The following CPA6 variants were observed in gnomAD, a reference collection of about 807,000 sequenced individuals.
CPA6 encodes the protein carboxypeptidase A6.
In CPA6, 58 loss-of-function variants were observed where a neutral mutation model predicts 63.3. That is an observed-to-expected ratio of 0.92 (90% CI 0.74 to 1.14). The LOEUF (loss-of-function observed/expected upper bound fraction) is 1.14, where lower values mean the gene tolerates loss of function less well. Among genes scored for constraint, CPA6 ranks in the 50% most tolerant of loss-of-function variants. CPA6 has a pLI of 0.00. For synonymous variants in CPA6, 185 were observed against 179.0 expected, an observed-to-expected ratio of 1.03 and a Z score of -0.27; for missense variants, 565 against 526.6, an observed-to-expected ratio of 1.07 and a Z score of -0.71.
intron 1 of CPA6, among the ~76,000 whole-genome samples, chr8:67,670,163 G>A (rs948483436): frequency 6.6e-6 from 1 of 152,156 alleles, no homozygotes; most frequent in African/African-American, 2.4e-5. Flanking sequence ...AGAAATACGT[G>A]AGACTGTGTA....
intron 1 of CPA6, among the ~76,000 whole-genome samples, chr8:67,695,537 C>T (rs1816898057): frequency 6.6e-6 from 1 of 152,200 alleles, no homozygotes; most frequent in South Asian, 2.1e-4. Flanking sequence ...TTACAGAATG[C>T]TTTATCCACT....
At chr8:67,481,376 A>T (rs1292412542) in intron 8 of CPA6, among the ~76,000 whole-genome samples, 1 of 152,212 alleles carries the variant, frequency 6.6e-6, no homozygotes, top group African/African-American at 2.4e-5. Flanking sequence ...TGACTTGTCG[A>T]GTCCTTCTGG....
chr8:67,509,580 T>C lies in CPA6; in HGVS notation c.471A>G (p.Ser157=), dbSNP rs1297215821. ...CAATAGAGAACATGTGAATGAGGCC[T>C]GAGTGAGTTTTATTCAGATGATGCA... ...NWMHHLNKTH[S]GLIHMFSIGR... is the part of the protein sequence containing the mutation. The change falls in exon 5 of 11, where the codon TCA becomes TCG. Residue 157 remains serine (S), a synonymous_variant. Transcript: ENST00000297770. The C allele has an allele frequency of 1.1e-5, 18 of 1,599,250 alleles. No individual in the cohort carries two copies. The highest frequency in any genetic ancestry group is 1.4e-5 in the Non-Finnish European group (16 of 1,170,282).
chr8:67,584,392 T>C (rs1160879154), intron 2 of CPA6, among the ~76,000 whole-genome samples: 2 of 152,122 alleles, frequency 1.3e-5, no homozygotes, highest in Non-Finnish European at 2.9e-5. Flanking sequence ...CCTAAACATA[T>C]AAATAATATA....
intron 1 of CPA6, among the ~76,000 whole-genome samples, chr8:67,638,497 CCT>C (rs1337939205): frequency 6.6e-6 from 1 of 151,550 alleles, no homozygotes; most frequent in Non-Finnish European, 1.5e-5. Context: ...TCCCTGCAGT[CCT>C]CACTGTGATG....
chr8:67,613,992 G>A (rs1052283199), intron 2 of CPA6, among the ~76,000 whole-genome samples: 2 of 152,046 alleles, frequency 1.3e-5, no homozygotes, highest in African/African-American at 4.8e-5. Flanking sequence ...CCCAGGATAG[G>A]GATAGCCACC....
intron 2 of CPA6, among the ~76,000 whole-genome samples, chr8:67,562,387 C>T (rs1222997464): frequency 1.3e-5 from 2 of 152,164 alleles, no homozygotes; most frequent in Non-Finnish European, 2.9e-5. Flanking sequence ...CTTCCTGGCC[C>T]TGACAGAATG....
intron 8 of CPA6, among the ~76,000 whole-genome samples, chr8:67,434,909 C>T (rs552681803): frequency 6.2e-4 from 94 of 152,346 alleles, no homozygotes; most frequent in African/African-American, 2.1e-3. Flanking sequence ...AGATCCTGGC[C>T]TGAGGGGTCC....
intron 2 of CPA6, among the ~76,000 whole-genome samples, chr8:67,585,359 G>A (rs1393451251): frequency 6.6e-6 from 1 of 152,164 alleles, no homozygotes; most frequent in Non-Finnish European, 1.5e-5. Flanking sequence ...TAGGCAAGGG[G>A]ACTAGGGCTG....
At chr8:67,705,780 A>G (rs1322432971) in intron 1 of CPA6, among the ~76,000 whole-genome samples, 1 of 152,158 alleles carries the variant, frequency 6.6e-6, no homozygotes, top group Non-Finnish European at 1.5e-5. Flanking sequence ...CAAAAATCTA[A>G]CTGAGCAATC....
intron 2 of CPA6, among the ~76,000 whole-genome samples, chr8:67,552,774 C>CAAAAAAAAAAAAAAAAAAAAAA (rs762395117): frequency 1.3e-3 from 28 of 20,930 alleles, no homozygotes; most frequent in Non-Finnish European, 1.9e-3. Flanking sequence ...AAGACTGTCT[C>CAAAAAAAAAAAAAAAAAAAAAA]AAAAAAAAAA....
intron 1 of CPA6, among the ~76,000 whole-genome samples, chr8:67,627,507 T>G (rs550316122): frequency 1.3e-5 from 2 of 152,310 alleles, no homozygotes; most frequent in Non-Finnish European, 2.9e-5. Flanking sequence ...GGCTACCCTT[T>G]GGGGTTAAGA....
At chr8:67,478,238 A>G (rs1811284829) in intron 8 of CPA6, among the ~76,000 whole-genome samples, 1 of 152,214 alleles carries the variant, frequency 6.6e-6, no homozygotes, top group African/African-American at 2.4e-5. Context: ...AGGTTCATGG[A>G]GGGTGGTGCC....
At chr8:67,552,570 A>T (rs180984605) in intron 2 of CPA6, among the ~76,000 whole-genome samples, 17 of 152,006 alleles carry the variant, frequency 1.1e-4, no homozygotes, top group South Asian at 2.1e-4. Context: ...TCAGGAGATC[A>T]AGACCATCCT....
intron 6 of CPA6, among the ~76,000 whole-genome samples, chr8:67,493,850 T>TA (rs1339698924): frequency 6.6e-6 from 1 of 152,148 alleles, no homozygotes; most frequent in Non-Finnish European, 1.5e-5. Flanking sequence ...ACCTGTATAT[T>TA]ATACATCTTC....
chr8:67,500,736 A>G lies in CPA6; in HGVS notation c.636+6051T>C, dbSNP rs544464058. Among the ~76,000 whole-genome samples the G allele has an allele frequency of 4.0e-5, 6 of 150,534 alleles. 1 individual carries two copies. Among genetic ancestry groups the G allele is most frequent in the African/African-American group, 1.5e-4 (6 of 41,002 alleles). ...TTTTTGTATATGGTATGAGACTTAG[A>G]CTCATACCATATACAAAAAAAGATT... On this transcript the variant is annotated intron_variant, in intron 6 of 10. Coordinates refer to ENST00000297770, the MANE Select transcript of CPA6 (RefSeq NM_020361.5).
At chr8:67,619,308 T>C (rs2128986270) in intron 2 of CPA6, among the ~76,000 whole-genome samples, 1 of 152,346 alleles carries the variant, frequency 6.6e-6, no homozygotes, top group South Asian at 2.1e-4. Flanking sequence ...TTTCTCCTCC[T>C]GCAGAATAGA....
At chr8:67,444,453 G>T (rs916634776) in intron 8 of CPA6, among the ~76,000 whole-genome samples, 3 of 152,008 alleles carry the variant, frequency 2.0e-5, no homozygotes, top group Non-Finnish European at 4.4e-5. Flanking sequence ...GAAATACTAG[G>T]CTAGAGAAAA....
chr8:67,670,991 C>A (rs1206149274), intron 1 of CPA6, among the ~76,000 whole-genome samples: 2 of 152,178 alleles, frequency 1.3e-5, no homozygotes, highest in African/African-American at 2.4e-5. Flanking sequence ...ATATGTTCTA[C>A]CATCTTTGTC....
Sources: allele counts gnomAD v4.1 joint callset (sites outside exome capture counted in the v4.1 genomes callset), GRCh38; gene constraint gnomAD v4.1.1; transcripts MANE v1.5; gene names NCBI Gene and HGNC (gene_info 2026-07-23, HGNC 2026-07-21).